The following PCDHA12 variants were observed in gnomAD, a reference collection of about 807,000 sequenced individuals.
The protein encoded by PCDHA12 is protocadherin alpha 12.
PCDHA12 carries 44 observed loss-of-function variants against 60.0 expected under a neutral mutation model. The ratio of observed to expected loss-of-function variants is 0.73; its 90% CI spans 0.58 to 0.94. The LOEUF is 0.94. Among genes scored for constraint, PCDHA12 ranks in the 40% least tolerant of loss-of-function variants. The pLI is 0.00. For missense variants in PCDHA12, 1,276 were observed against 1,239.7 expected, an observed-to-expected ratio of 1.03 and a Z score of -0.44; for synonymous variants, 569 against 553.0, an observed-to-expected ratio of 1.03 and a Z score of -0.40.
In PCDHA12 at chr5:140,882,282, G is replaced by T. The variant is rs145553181; in HGVS notation, c.2367+4443G>T. On this transcript the variant is annotated intron_variant, in intron 1 of 3. Coordinates refer to ENST00000398631, the MANE Select transcript of PCDHA12 (RefSeq NM_018903.4). Reference sequence around the variant, plus strand: ...TTGGAGTGTACCATGCTGTCTTCCTGGCAAGGAGGCCCAAGACCGCGGCAA... The same window carrying T: ...TTGGAGTGTACCATGCTGTCTTCCTTGCAAGGAGGCCCAAGACCGCGGCAA... 4.2e-5 allele frequency: 68 copies of T among 1,612,712 alleles called. No individual in the cohort carries two copies. The African/African-American group carries it at 8.4e-4, about 20-fold the overall frequency.
intron 3 of PCDHA12, 48 bp from the exon 4 acceptor site, chr5:141,009,579 A>T: frequency 6.3e-7 from 1 of 1,586,202 alleles, no homozygotes; most frequent in Non-Finnish European, 8.6e-7. Context: ...TGTGGCATCA[A>T]GAGCATGTGT....
chr5:140,979,058 C>A, intron 2 of PCDHA12, 51 bp downstream of exon 2: 3 of 1,606,096 alleles, frequency 1.9e-6, no homozygotes, highest in Non-Finnish European at 2.6e-6. Context: ...CTTGGTATGG[C>A]TCAGATAAAC....
intron 1 of PCDHA12, among the ~76,000 whole-genome samples, chr5:140,940,939 C>T (rs930086780): frequency 2.0e-5 from 3 of 152,154 alleles, no homozygotes; most frequent in African/African-American, 2.4e-5. Context: ...ACTTAGACTA[C>T]GTATTCTCAG....
intron 3 of PCDHA12, among the ~76,000 whole-genome samples, chr5:141,001,745 T>A (rs2098035193): frequency 6.6e-6 from 1 of 152,200 alleles, no homozygotes; most frequent in Non-Finnish European, 1.5e-5. Flanking sequence ...CTGGGCTGTT[T>A]CAGTGGTTGA....
intron 1 of PCDHA12, chr5:140,883,938 A>C (rs782647232): frequency 6.2e-7 from 1 of 1,613,360 alleles, no homozygotes; most frequent in East Asian, 2.2e-5. Context: ...TTCGTGCTGG[A>C]CGAGAACGAC....
intron 1 of PCDHA12, among the ~76,000 whole-genome samples, chr5:140,970,781 G>A (rs2096433448): frequency 6.6e-6 from 1 of 152,042 alleles, no homozygotes; most frequent in Admixed American, 6.6e-5. Context: ...CATACATATT[G>A]TATGTAATAT....
Position 140,881,024 on chromosome 5 carries a change from A to G in PCDHA12, c.2367+3185A>G, listed in dbSNP as rs1330072249. Among the ~76,000 whole-genome samples the G allele has an allele frequency of 1.1e-4, 17 of 152,246 alleles. 1 individual carries two copies. Among genetic ancestry groups the G allele is most frequent in the Admixed American group, 5.2e-4 (8 of 15,290 alleles). ...GAGCAGAGCTATGGAAATAAACCCA[A>G]CAGTCATTTCCTATAGAGTTGTGCA... On this transcript the variant is annotated intron_variant, in intron 1 of 3. Coordinates refer to ENST00000398631, the MANE Select transcript of PCDHA12 (RefSeq NM_018903.4).
rs1214485732 is a variant in PCDHA12, at chr5:141,010,285, C to T, written c.*348C>T. On this transcript the variant is annotated 3_prime_UTR_variant, in exon 4 of 4. Coordinates refer to ENST00000398631, the MANE Select transcript of PCDHA12 (RefSeq NM_018903.4). The stretch of plus-strand genomic sequence containing the variant: ...CTCCGGGGATCCTGTCTTGATGACA[C>T]TTGCAGGGCAGGCTGAAAAGTTTTG... The T allele has an allele frequency of 1.3e-6, 2 of 1,550,458 alleles. No homozygotes were observed. The highest frequency in any genetic ancestry group is 1.7e-6 in the Non-Finnish European group (2 of 1,146,698).
intron 1 of PCDHA12, among the ~76,000 whole-genome samples, chr5:140,977,739 T>C (rs1198089748): frequency 1.3e-5 from 2 of 152,206 alleles, no homozygotes; most frequent in South Asian, 2.1e-4. Context: ...CTGGGTGTTA[T>C]GAAGAAATGT....
intron 1 of PCDHA12, chr5:140,929,324 T>C (rs781810168): frequency 1.2e-5 from 19 of 1,540,130 alleles, no homozygotes; most frequent in Non-Finnish European, 3.5e-6. Context: ...GTCAATGCCA[T>C]GGTAAGCAAA....
At chr5:140,884,119 C>T (rs782009154) in intron 1 of PCDHA12, 1 of 1,613,310 alleles carries the variant, frequency 6.2e-7, no homozygotes. Context: ...CGGCGGTCGG[C>T]GCGCGCATCC....
rs1432987823 is a variant in PCDHA12, at chr5:140,905,869, AAGGCCCAACAAT to A, written c.2367+28036_2367+28047del. ...AAGGAGTATTAACTCACACAATCAC[AAGGCCCAACAAT>A]AGGCCATCTGCAAGCTGAGGAGCAA... On this transcript the variant is annotated intron_variant, in intron 1 of 3. Coordinates refer to ENST00000398631, the MANE Select transcript of PCDHA12 (RefSeq NM_018903.4). 1.1e-4 allele frequency among the ~76,000 whole-genome samples: 17 copies of A among 152,326 alleles called. No individual in the cohort carries two copies. In the South Asian group the frequency reaches 3.5e-3, roughly 32 times the overall value.
intron 1 of PCDHA12, among the ~76,000 whole-genome samples, chr5:140,912,343 A>ATT (rs35252606): frequency 2.1e-4 from 30 of 143,908 alleles, no homozygotes; most frequent in African/African-American, 6.1e-4. Context: ...TACACTAAGT[A>ATT]TTTTTTTTTT....
intron 1 of PCDHA12, among the ~76,000 whole-genome samples, chr5:140,915,224 G>C (rs2077030896): frequency 6.6e-6 from 1 of 152,144 alleles, no homozygotes; most frequent in African/African-American, 2.4e-5. Context: ...TGGGATTACA[G>C]GCATGAGCCA....
At chr5:140,904,107 T>A (rs1214453471) in intron 1 of PCDHA12, among the ~76,000 whole-genome samples, 3 of 152,216 alleles carry the variant, frequency 2.0e-5, no homozygotes, top group Non-Finnish European at 4.4e-5. Context: ...TAGTGGTCAT[T>A]GCTGAGATTT....
At chr5:140,923,528 CA>C (rs1240707958) in intron 1 of PCDHA12, among the ~76,000 whole-genome samples, 1 of 151,622 alleles carries the variant, frequency 6.6e-6, no homozygotes, top group Non-Finnish European at 1.5e-5. Context: ...GATTCTGTCC[CA>C]AAAAAAGGAC....
chr5:140,928,994 T>C, intron 1 of PCDHA12: 1 of 1,613,992 alleles, frequency 6.2e-7, no homozygotes. Context: ...TGCTTACTTT[T>C]CTTCGTGTGT....
chr5:140,901,899 T>C (rs1439841120), intron 1 of PCDHA12, among the ~76,000 whole-genome samples: 2 of 152,152 alleles, frequency 1.3e-5, no homozygotes, highest in Non-Finnish European at 2.9e-5. Flanking sequence ...ATATTTTTCA[T>C]TGTGGAGATC....
At position 141,003,524 on chromosome 5, in the gene PCDHA12, G is replaced by T. The variant is rs2098128799; in HGVS notation, c.2516-6103G>T. On this transcript the variant is annotated intron_variant, in intron 3 of 3. Coordinates refer to ENST00000398631, the MANE Select transcript of PCDHA12 (RefSeq NM_018903.4). ...GATGGGGTTTCACCATGTTCCCTAG[G>T]CTGGTCTTGAACTCCTGGCTTCAAG... 4.6e-5 allele frequency among the ~76,000 whole-genome samples: 7 copies of T among 152,070 alleles called. No individual in the cohort carries two copies. In the South Asian group the frequency reaches 1.5e-3, roughly 32 times the overall value.
Sources: allele counts gnomAD v4.1 joint callset (sites outside exome capture counted in the v4.1 genomes callset), GRCh38; gene constraint gnomAD v4.1.1; transcripts MANE v1.5; gene names NCBI Gene and HGNC (gene_info 2026-07-23, HGNC 2026-07-21).